The following LMO1 variants were observed in gnomAD, a reference collection of about 807,000 sequenced individuals.
The protein encoded by LMO1 is rhombotin-1.
LMO1 carries 10 observed loss-of-function variants against 18.0 expected under a neutral mutation model. The observed-to-expected ratio is 0.55, with a 90% CI of 0.34 to 0.94. The LOEUF (loss-of-function observed/expected upper bound fraction) is 0.94. LMO1 is among the 40% of genes least tolerant of loss of function. The probability of loss-of-function intolerance (pLI) is 0.02; values close to 1 mark genes in which losing one functional copy is unlikely to be tolerated. For missense variants in LMO1, 183 were observed against 205.7 expected (o/e 0.89, Z 0.68); for synonymous variants, 77 against 77.9 (o/e 0.99, Z 0.06).
At chr11:8,262,727 G>C (rs1013184878) in intron 1 of LMO1, among the ~76,000 whole-genome samples, 1 of 152,320 alleles carries the variant, frequency 6.6e-6, no homozygotes, top group African/African-American at 2.4e-5. Context: ...GGAGCTAGCG[G>C]GCCGGCACAA....
chr11:8,230,240 G>A (rs970795357), intron 2 of LMO1, 51 bp downstream of exon 2: 8 of 1,545,372 alleles, frequency 5.2e-6, no homozygotes, highest in Non-Finnish European at 7.1e-6. Flanking sequence ...TGAGGATGGG[G>A]AGCTTTCTGA....
In LMO1 at chr11:8,263,394, C is replaced by G; in HGVS notation, c.-32G>C. 6.3e-7 allele frequency: 1 copy of G among 1,598,690 alleles called. No homozygotes were observed. Among genetic ancestry groups the G allele is most frequent in the South Asian group, 1.1e-5 (1 of 89,716 alleles). ...CGCTCCGTGTCCAGCCGCAGCTAGG[C>G]TCGGCCGGGAGAAGGGCGCCGACTC... is the stretch of plus-strand genomic sequence containing the variant. On this transcript the variant is annotated 5_prime_UTR_variant, in exon 1 of 4. Coordinates refer to ENST00000335790, the MANE Select transcript of LMO1 (RefSeq NM_002315.3).
intron 1 of LMO1, among the ~76,000 whole-genome samples, chr11:8,247,402 G>A (rs393130): frequency 0.067 from 10,128 of 152,214 alleles, 611 homozygotes; most frequent in East Asian, 0.28. Context: ...CTTTGAAGGG[G>A]GAGAGCACCA....
Position 8,241,535 on chromosome 11 carries a change from C to T in LMO1, c.26-11031G>A, listed in dbSNP as rs182536533. ...TTCCCCTCCCACACTGTGCTCCAGC[C>T]ATACTCCAAACTCCTTCCTGCCTCA... On this transcript the variant is annotated intron_variant, in intron 1 of 3. Transcript: ENST00000335790. Among the ~76,000 whole-genome samples the T allele has an allele frequency of 2.6e-5, 4 of 152,332 alleles. No individual in the cohort carries two copies. In the East Asian group the frequency reaches 7.7e-4, roughly 29 times the overall value.
upstream of LMO1, among the ~76,000 whole-genome samples, chr11:8,266,513 G>A (rs868216027): frequency 6.6e-6 from 1 of 152,160 alleles, no homozygotes; most frequent in South Asian, 2.1e-4. Context: ...CTCTCACTTC[G>A]ACAAGCCAAG....
intron 1 of LMO1, among the ~76,000 whole-genome samples, chr11:8,261,708 A>G (rs1847189038): frequency 1.3e-5 from 2 of 152,110 alleles, no homozygotes; most frequent in Non-Finnish European, 2.9e-5. Flanking sequence ...AGGGAAGGTG[A>G]ACATGGGGAG....
chr11:8,227,184 T>C (rs1952562979), intron 2 of LMO1, 84 bp from the exon 3 acceptor site: 1 of 1,541,948 alleles, frequency 6.5e-7, no homozygotes, highest in African/African-American at 1.4e-5. Flanking sequence ...CCATCCAGGG[T>C]CCTTCCCATA....
At chr11:8,268,543 C>A (rs980403200), upstream of LMO1, 47 of 1,084,718 alleles carry the variant, frequency 4.3e-5, no homozygotes, top group African/African-American at 6.6e-4. Flanking sequence ...TCCCGCCGGC[C>A]CCGCGCGGGC....
intron 1 of LMO1, among the ~76,000 whole-genome samples, chr11:8,254,116 A>C (rs1430929650): frequency 6.6e-6 from 1 of 152,240 alleles, no homozygotes; most frequent in Non-Finnish European, 1.5e-5. Context: ...AGGAAAAAAA[A>C]GTGGAAGGAC....
At chr11:8,257,815 C>T (rs745997201) in intron 1 of LMO1, among the ~76,000 whole-genome samples, 2 of 152,208 alleles carry the variant, frequency 1.3e-5, no homozygotes, top group Non-Finnish European at 2.9e-5. Context: ...AATAAACTGG[C>T]AGAGTGAGGG....
chr11:8,233,609 G>T (rs1258732578), intron 1 of LMO1, among the ~76,000 whole-genome samples: 1 of 152,078 alleles, frequency 6.6e-6, no homozygotes, highest in Non-Finnish European at 1.5e-5. Context: ...GCTTTCAGGA[G>T]GGGCTCTGTA....
chr11:8,227,993 T>G (rs1952579085), intron 2 of LMO1, among the ~76,000 whole-genome samples: 1 of 152,248 alleles, frequency 6.6e-6, no homozygotes, highest in African/African-American at 2.4e-5. Flanking sequence ...TTATTAAATC[T>G]TTTTTCCATG....
chr11:8,258,430 C>G (rs1270678037), intron 1 of LMO1, among the ~76,000 whole-genome samples: 4 of 152,232 alleles, frequency 2.6e-5, no homozygotes, highest in Non-Finnish European at 5.9e-5. Context: ...CTCAGACAGC[C>G]CAGCCCGTCT....
chr11:8,230,132 C>T (rs1039686250), intron 2 of LMO1, among the ~76,000 whole-genome samples, 159 bp downstream of exon 2: 1 of 152,162 alleles, frequency 6.6e-6, no homozygotes, highest in South Asian at 2.1e-4. Flanking sequence ...GGTGACTTCT[C>T]AGGTATCTGG....
At chr11:8,261,382 T>A (rs1847183650) in intron 1 of LMO1, among the ~76,000 whole-genome samples, 2 of 152,144 alleles carry the variant, frequency 1.3e-5, no homozygotes, top group South Asian at 4.1e-4. Flanking sequence ...CAGAAATCCA[T>A]TCTCACTCAA....
chr11:8,238,847 G>C (rs1952806686), intron 1 of LMO1, among the ~76,000 whole-genome samples: 1 of 152,124 alleles, frequency 6.6e-6, no homozygotes, highest in Admixed American at 6.6e-5. Context: ...TTTGAGCCTT[G>C]AGCATTTAAC....
upstream of LMO1, among the ~76,000 whole-genome samples, chr11:8,267,128 A>C (rs550782671): frequency 3.8e-4 from 58 of 152,354 alleles, no homozygotes; most frequent in African/African-American, 1.4e-3. Context: ...TGCAAGCAGC[A>C]GTTATAGATT....
At chr11:8,241,793 A>C (rs1488376905) in intron 1 of LMO1, among the ~76,000 whole-genome samples, 2 of 152,012 alleles carry the variant, frequency 1.3e-5, no homozygotes. Flanking sequence ...TTTCAAAAAA[A>C]AAAAAAACAA....
intron 1 of LMO1, among the ~76,000 whole-genome samples, chr11:8,233,680 T>A (rs1177363489): frequency 6.6e-6 from 1 of 151,584 alleles, no homozygotes; most frequent in Non-Finnish European, 1.5e-5. Flanking sequence ...TCCCTCCTGC[T>A]CTGCCTTCCC....
Sources: allele counts gnomAD v4.1 joint callset (sites outside exome capture counted in the v4.1 genomes callset), GRCh38; gene constraint gnomAD v4.1.1; transcripts MANE v1.5; gene names NCBI Gene and HGNC (gene_info 2026-07-23, HGNC 2026-07-21).